The following EPHB2 variants were observed in gnomAD, a reference collection of about 807,000 sequenced individuals.
EPHB2 encodes the protein EPH receptor B2.
In EPHB2, 18 loss-of-function variants were observed where a neutral mutation model predicts 96.4. The ratio of observed to expected loss-of-function variants is 0.19; its 90% CI spans 0.13 to 0.28. EPHB2 has a LOEUF of 0.28. EPHB2 is among the 10% of genes least tolerant of loss of function. The probability of loss-of-function intolerance (pLI) is 1.00; values close to 1 mark genes in which losing one functional copy is unlikely to be tolerated. For synonymous variants in EPHB2, 506 were observed against 534.1 expected (o/e 0.95, Z 0.72); for missense variants, 989 against 1,355.4 (o/e 0.73, Z 4.25).
chr1:22,894,597 C>CAA (rs569570637), intron 7 of EPHB2, among the ~76,000 whole-genome samples: 6 of 126,072 alleles, frequency 4.8e-5, no homozygotes, highest in African/African-American at 1.4e-4. Flanking sequence ...ACTCCCACTC[C>CAA]AAAAAAAAAA....
At chr1:22,803,133 C>T (rs948427024) in intron 3 of EPHB2, among the ~76,000 whole-genome samples, 1 of 152,160 alleles carries the variant, frequency 6.6e-6, no homozygotes, top group African/African-American at 2.4e-5. Context: ...ACCTGAGAGG[C>T]AGGGTAGTTG....
intron 3 of EPHB2, among the ~76,000 whole-genome samples, chr1:22,849,025 T>C (rs981065061): frequency 6.6e-6 from 1 of 152,026 alleles, no homozygotes. Context: ...AGAACAAAGG[T>C]GCCCAAGCAG....
intron 1 of EPHB2, among the ~76,000 whole-genome samples, chr1:22,729,411 G>A (rs1643654471): frequency 6.6e-6 from 1 of 152,240 alleles, no homozygotes; most frequent in Non-Finnish European, 1.5e-5. Flanking sequence ...ATCAAGTCAT[G>A]TTGTTGCTCC....
In EPHB2 at chr1:22,863,017, C is replaced by T. The variant is rs780738757; in HGVS notation, c.812-20C>T. 3 of 1,614,080 alleles carry T rather than the reference C, an allele frequency of 1.9e-6. No homozygotes were observed. The highest frequency in any genetic ancestry group is 2.5e-6 in the Non-Finnish European group (3 of 1,180,052). ...GTCTTCATCCAGTTTCCTGGTGACTCTCCTTGTCTTCTCTCTCAGGTTGTC... is the reference window on the plus strand; with the variant it reads ...GTCTTCATCCAGTTTCCTGGTGACTTTCCTTGTCTTCTCTCTCAGGTTGTC... On this transcript the variant is annotated intron_variant, in intron 3 of 15. Transcript: ENST00000374630.
chr1:22,866,861 G>T (rs1302460253), intron 5 of EPHB2, among the ~76,000 whole-genome samples: 1 of 152,170 alleles, frequency 6.6e-6, no homozygotes, highest in African/African-American at 2.4e-5. Flanking sequence ...TTGAACCCGG[G>T]AGGTGAATGT....
intron 5 of EPHB2, among the ~76,000 whole-genome samples, chr1:22,877,356 T>C (rs1439581569): frequency 6.6e-6 from 1 of 152,198 alleles, no homozygotes; most frequent in African/African-American, 2.4e-5. Flanking sequence ...ATGTGAAGCA[T>C]GTGGTTTGCT....
rs1432729953 is a variant in EPHB2, at chr1:22,910,373, T to C, written c.2503-9T>C. On this transcript the variant is annotated splice_polypyrimidine_tract_variant and intron_variant, in intron 13 of 15. Transcript: ENST00000374630. Reference sequence around the variant, plus strand: ...CACCCAACCCCACTGCACTCCTGCATTGTCCCAGGTAATCAATGCCATTGA... The same window carrying C: ...CACCCAACCCCACTGCACTCCTGCACTGTCCCAGGTAATCAATGCCATTGA... The C allele has an allele frequency of 6.2e-7, 1 of 1,614,180 alleles. No homozygotes were observed. The highest frequency in any genetic ancestry group is 1.1e-5 in the South Asian group (1 of 91,086).
intron 1 of EPHB2, among the ~76,000 whole-genome samples, chr1:22,763,487 G>T (rs1644263706): frequency 6.6e-6 from 1 of 152,042 alleles, no homozygotes; most frequent in African/African-American, 2.4e-5. Context: ...GGTGGAGGTG[G>T]GGTGGCTCCC....
chr1:22,720,660 T>TCCCCC (rs916713865), intron 1 of EPHB2, among the ~76,000 whole-genome samples: 55 of 57,366 alleles, frequency 9.6e-4, no homozygotes, highest in East Asian at 8.5e-3. Context: ...GAAATCTCAT[T>TCCCCC]CCCCCCCCCC....
chr1:22,799,473 A>T (rs1018080744), intron 3 of EPHB2, among the ~76,000 whole-genome samples: 23 of 152,190 alleles, frequency 1.5e-4, no homozygotes, highest in African/African-American at 4.8e-4. Context: ...TTCAGTAATA[A>T]ATGGAATATG....
At chr1:22,809,865 T>C (rs185598379) in intron 3 of EPHB2, among the ~76,000 whole-genome samples, 2 of 152,332 alleles carry the variant, frequency 1.3e-5, no homozygotes, top group African/African-American at 2.4e-5. Flanking sequence ...ACCCCTTCCC[T>C]GCTCTGAGAA....
intron 1 of EPHB2, among the ~76,000 whole-genome samples, chr1:22,723,335 G>T (rs1042767592): frequency 6.6e-6 from 1 of 152,258 alleles, no homozygotes; most frequent in Non-Finnish European, 1.5e-5. Flanking sequence ...CAGGGAGTCT[G>T]TTCGAGTCAG....
chr1:22,772,235 G>C (rs953934689), intron 1 of EPHB2, among the ~76,000 whole-genome samples: 2 of 152,160 alleles, frequency 1.3e-5, no homozygotes, highest in African/African-American at 4.8e-5. Flanking sequence ...TTTCAGCCGG[G>C]GCGGCCAGTG....
In EPHB2 at chr1:22,785,089, G is replaced by T. The variant is rs762779621; in HGVS notation, c.811+13G>T. ...ACCGTCTGCCGAGGTAAGGGCCAGG[G>T]TGGGGCACGTGCCCCTGCAAATGCA... On this transcript the variant is annotated intron_variant, in intron 3 of 15. Transcript: ENST00000374630. The T allele has an allele frequency of 4.3e-6, 7 of 1,613,322 alleles. No individual in the cohort carries two copies. In the South Asian group the frequency reaches 7.7e-5, roughly 18 times the overall value.
intron 1 of EPHB2, among the ~76,000 whole-genome samples, chr1:22,778,875 C>G (rs1214277211): frequency 6.6e-6 from 1 of 152,240 alleles, no homozygotes; most frequent in Non-Finnish European, 1.5e-5. Flanking sequence ...AAGTTTCCAC[C>G]CGTACGATGA....
intron 3 of EPHB2, among the ~76,000 whole-genome samples, chr1:22,795,539 G>A (rs1644755581): frequency 6.6e-6 from 1 of 152,114 alleles, no homozygotes; most frequent in Admixed American, 6.5e-5. Context: ...TAATGATAAT[G>A]TCTTACATAT....
rs773025287 is a variant in EPHB2 at position 22,784,691 on chromosome 1, A to G, written c.426A>G (p.Ala142=). The G allele has an allele frequency of 5.6e-6, 9 of 1,613,836 alleles. No individual in the cohort carries two copies. In the East Asian group the frequency reaches 2.0e-4, roughly 36 times the overall value. ...CATGGGTGAAGGTGGATACCATTGCAGCCGACGAGAGCTTCTCCCAGGTGG... is the reference window on the plus strand; with the variant it reads ...CATGGGTGAAGGTGGATACCATTGCGGCCGACGAGAGCTTCTCCCAGGTGG... The part of the protein sequence containing the change: ...ENPWVKVDTI[A]ADESFSQVDL... Residue 142 remains alanine (A), a synonymous_variant, in exon 3 of 16, where the codon GCA becomes GCG. Transcript: ENST00000374630. The surrounding 1 kb of genome is among the most constrained non-coding windows in gnomAD (Gnocchi z 5.1).
chr1:22,714,582 G>A (rs984098253), intron 1 of EPHB2, among the ~76,000 whole-genome samples: 3 of 152,226 alleles, frequency 2.0e-5, no homozygotes, highest in South Asian at 2.1e-4. Flanking sequence ...GGGCTAGAAT[G>A]GAAGGCTGGG....
chr1:22,736,360 A>G (rs930291700), intron 1 of EPHB2, among the ~76,000 whole-genome samples: 5 of 152,196 alleles, frequency 3.3e-5, no homozygotes, highest in African/African-American at 1.2e-4. Flanking sequence ...TGCTGGGCCC[A>G]GAGACGTAAA....
Sources: allele counts gnomAD v4.1 joint callset (sites outside exome capture counted in the v4.1 genomes callset), GRCh38; gene constraint gnomAD v4.1.1; non-coding constraint Gnocchi (gnomAD v3.1); transcripts MANE v1.5; gene names NCBI Gene and HGNC (gene_info 2026-07-23, HGNC 2026-07-21).